The following TCF7L2 variants were observed in gnomAD, a reference collection of about 807,000 sequenced individuals.
TCF7L2 encodes transcription factor 7-like 2.
TCF7L2 carries 23 observed loss-of-function variants against 77.9 expected under a neutral mutation model. That is an observed-to-expected ratio of 0.30 (90% confidence interval 0.21 to 0.42). The LOEUF is 0.42. TCF7L2 is among the 10% of genes least tolerant of loss of function. TCF7L2 has a pLI of 1.00. For synonymous variants in TCF7L2, 413 were observed against 340.2 expected (o/e 1.21, Z -2.36); for missense variants, 654 against 793.1 (o/e 0.82, Z 2.11).
At chr10:112,982,120 C>A (rs1216195657) in intron 4 of TCF7L2, among the ~76,000 whole-genome samples, 1 of 152,236 alleles carries the variant, frequency 6.6e-6, no homozygotes, top group East Asian at 1.9e-4. Context: ...GCTTTTCTAT[C>A]ATCTCCTTTG....
chr10:113,045,647 G>A (rs1590943305), intron 5 of TCF7L2, among the ~76,000 whole-genome samples: 1 of 152,190 alleles, frequency 6.6e-6, no homozygotes, highest in Non-Finnish European at 1.5e-5. Flanking sequence ...TTGACATATG[G>A]TGGGGAGGGC....
At chr10:113,022,089 A>G (rs964410963) in intron 4 of TCF7L2, among the ~76,000 whole-genome samples, 19 of 152,260 alleles carry the variant, frequency 1.2e-4, no homozygotes, top group African/African-American at 4.6e-4. Flanking sequence ...GAGAAGTGAC[A>G]GGTTTTCTTT....
At chr10:113,144,535 T>C (rs1421707578) in intron 7 of TCF7L2, among the ~76,000 whole-genome samples, 2 of 152,308 alleles carry the variant, frequency 1.3e-5, no homozygotes, top group African/African-American at 4.8e-5. Context: ...TCTTGTATGA[T>C]TCCAGGACCC....
chr10:113,054,189 C>T (rs929873702), intron 5 of TCF7L2, among the ~76,000 whole-genome samples: 1 of 152,224 alleles, frequency 6.6e-6, no homozygotes, highest in African/African-American at 2.4e-5. Flanking sequence ...AGATTTGCAT[C>T]ACAATGAGCC....
At chr10:112,987,301 A>G (rs753315333) in intron 4 of TCF7L2, among the ~76,000 whole-genome samples, 38 of 152,210 alleles carry the variant, frequency 2.5e-4, no homozygotes, top group Admixed American at 4.6e-4. Context: ...TGTCTGTAAA[A>G]TAGGCATAGT....
rs780472490 is a variant in TCF7L2 at position 113,165,771 on chromosome 10, C to T, written c.1608C>T (p.Pro536=). The T allele has an allele frequency of 6.0e-5, 97 of 1,608,224 alleles. No individual in the cohort carries two copies. In the East Asian group the frequency reaches 1.3e-3, roughly 22 times the overall value. The change falls in exon 14 of 14, where the codon CCC becomes CCT. Residue 536 remains proline, a synonymous_variant. Transcript: ENST00000627217. ...ACCTGTCCATGATGCCTCCGCCACC[C>T]GCCCTCCTGCTCGCTGAGGCCACCC...
At chr10:113,025,519 A>G (rs4309084) in intron 4 of TCF7L2, among the ~76,000 whole-genome samples, 81,311 of 151,978 alleles carry the variant, frequency 0.54, 24,331 homozygotes, top group African/African-American at 0.8. Context: ...GATTATAGGC[A>G]TGAGCCACCG....
At chr10:112,965,072 C>G (rs2036422748) in intron 4 of TCF7L2, among the ~76,000 whole-genome samples, 1 of 151,884 alleles carries the variant, frequency 6.6e-6, no homozygotes, top group African/African-American at 2.4e-5. Context: ...GGAGAGGAGG[C>G]CGTGCAACAG....
At chr10:113,089,610 A>G in intron 5 of TCF7L2, 3 of 1,570,126 alleles carry the variant, frequency 1.9e-6, no homozygotes, top group Non-Finnish European at 2.6e-6. Flanking sequence ...CCCAAAGTTT[A>G]CCTCTCTCTA....
intron 5 of TCF7L2, among the ~76,000 whole-genome samples, chr10:113,061,248 A>G (rs1426132464): frequency 6.6e-6 from 1 of 151,982 alleles, no homozygotes; most frequent in Non-Finnish European, 1.5e-5. Context: ...CCGTTGGTGA[A>G]GTGGAGACCT....
At chr10:112,971,394 G>A (rs946595210) in intron 4 of TCF7L2, among the ~76,000 whole-genome samples, 28 of 152,008 alleles carry the variant, frequency 1.8e-4, no homozygotes, top group Admixed American at 2.6e-4. Context: ...TTTTTCCTCC[G>A]CCTCCCAGGT....
intron 5 of TCF7L2, among the ~76,000 whole-genome samples, chr10:113,076,371 C>G (rs2058703265): frequency 6.6e-6 from 1 of 152,130 alleles, no homozygotes; most frequent in African/African-American, 2.4e-5. Flanking sequence ...CTCCTGGCCT[C>G]AAGTGATCCT....
chr10:113,025,997 G>GC (rs1331647152), intron 4 of TCF7L2, among the ~76,000 whole-genome samples: 1 of 151,788 alleles, frequency 6.6e-6, no homozygotes, highest in African/African-American at 2.4e-5. Context: ...TCCTGCCTCA[G>GC]CTTCTAGAGT....
At chr10:113,056,402 G>A (rs1176032701) in intron 5 of TCF7L2, among the ~76,000 whole-genome samples, 1 of 152,134 alleles carries the variant, frequency 6.6e-6, no homozygotes, top group Non-Finnish European at 1.5e-5. Flanking sequence ...GAGGGTAGAG[G>A]ACAGAAAGAA....
chr10:113,065,203 G>A (rs1338609689), intron 5 of TCF7L2, among the ~76,000 whole-genome samples: 2 of 152,230 alleles, frequency 1.3e-5, no homozygotes, highest in Non-Finnish European at 2.9e-5. Flanking sequence ...TGTGGCCTAT[G>A]AGGATGTTGT....
At chr10:113,104,179 C>G (rs1463368388) in intron 5 of TCF7L2, among the ~76,000 whole-genome samples, 1 of 152,122 alleles carries the variant, frequency 6.6e-6, no homozygotes, top group Non-Finnish European at 1.5e-5. Context: ...TTTCCTAATC[C>G]TCGTGGGAGC....
chr10:112,989,034 G>A (rs1056088834), intron 4 of TCF7L2, among the ~76,000 whole-genome samples: 5 of 152,154 alleles, frequency 3.3e-5, no homozygotes, highest in African/African-American at 1.2e-4. Context: ...GTCATGCTCT[G>A]CGGTTGCTAT....
intron 4 of TCF7L2, among the ~76,000 whole-genome samples, chr10:113,023,230 GT>G (rs2048526485): frequency 6.6e-6 from 1 of 152,220 alleles, no homozygotes; most frequent in African/African-American, 2.4e-5. Context: ...TGCAAAGTGA[GT>G]TGGGCTGAAC....
chr10:113,013,373 C>T (rs1407650665), intron 4 of TCF7L2, among the ~76,000 whole-genome samples: 2 of 149,376 alleles, frequency 1.3e-5, no homozygotes, highest in African/African-American at 4.8e-5. Context: ...CCTGCCTTGA[C>T]CTCCCAGAGT....
Sources: gnomAD v4.1 joint callset for allele counts (sites outside exome capture counted in the v4.1 genomes callset) on GRCh38, gnomAD v4.1.1 for gene constraint, MANE v1.5 for transcripts, NCBI Gene and HGNC (gene_info 2026-07-23, HGNC 2026-07-21) for gene names.